The following ACYP1 variants were observed in gnomAD, a reference collection of about 807,000 sequenced individuals.
The protein encoded by ACYP1 is acylphosphatase-1.
Under a neutral mutation model 10.4 loss-of-function variants are expected in ACYP1, and 8 were observed. The ratio of observed to expected loss-of-function variants is 0.77; its 90% CI spans 0.45 to 1.38. ACYP1 has a LOEUF of 1.38. ACYP1 is among the 40% of genes most tolerant of loss of function. The pLI is 0.00. For synonymous variants in ACYP1, 38 were observed against 40.8 expected (o/e 0.93, Z 0.26); for missense variants, 93 against 117.3 (o/e 0.79, Z 0.96).
At position 75,057,306 on chromosome 14, in the gene ACYP1, A is replaced by G. The variant is rs1451062946; in HGVS notation, c.85-3647T>C. ...ATAAATTTAACAAAAGAATTGCACGACATATATGGAAATCTACAAAACATT... is the reference window on the plus strand; with the variant it reads ...ATAAATTTAACAAAAGAATTGCACGGCATATATGGAAATCTACAAAACATT... On this transcript the variant is annotated intron_variant, in intron 2 of 2. Transcript: ENST00000238618. Among the ~76,000 whole-genome samples the G allele has an allele frequency of 1.3e-5, 2 of 151,602 alleles. 1 individual carries two copies. The highest frequency in any genetic ancestry group is 2.9e-5 in the Non-Finnish European group (2 of 68,000).
chr14:75,055,858 T>C (rs1892865321), intron 2 of ACYP1, among the ~76,000 whole-genome samples: 2 of 151,440 alleles, frequency 1.3e-5, no homozygotes, highest in Admixed American at 6.6e-5. Flanking sequence ...ATCAACAAAA[T>C]TGACAACCTT....
At chr14:75,067,182 TACACACACACACACACACACACAC>T (rs60274425), upstream of ACYP1, among the ~76,000 whole-genome samples, 4 of 147,252 alleles carry the variant, frequency 2.7e-5, no homozygotes, top group Non-Finnish European at 4.5e-5. Context: ...TGTCTGGAAC[TACACACACACACACACACACACAC>T]ACACACACAC....
chr14:75,060,991 C>G (rs1172680138), intron 2 of ACYP1, among the ~76,000 whole-genome samples: 1 of 152,052 alleles, frequency 6.6e-6, no homozygotes, highest in Non-Finnish European at 1.5e-5. Context: ...CACTTGAACC[C>G]AGGAGGCAGA....
At chr14:75,059,100 G>A (rs1185002642) in intron 2 of ACYP1, among the ~76,000 whole-genome samples, 5 of 147,184 alleles carry the variant, frequency 3.4e-5, no homozygotes, top group Non-Finnish European at 7.4e-5. Context: ...CAGGAGAATC[G>A]CTTGAACCCT....
upstream of ACYP1, among the ~76,000 whole-genome samples, chr14:75,067,633 A>G (rs773471868): frequency 2.0e-5 from 3 of 152,178 alleles, no homozygotes; most frequent in Non-Finnish European, 2.9e-5. Flanking sequence ...TTTGTTTTGC[A>G]GGGGAAAGTT....
chr14:75,062,005 G>A (rs1893028794), intron 2 of ACYP1, among the ~76,000 whole-genome samples: 1 of 147,626 alleles, frequency 6.8e-6, no homozygotes, highest in African/African-American at 2.5e-5. Context: ...GGAAGCTGAA[G>A]TAGGAGAAAC....
intron 2 of ACYP1, 157 bp downstream of exon 2, chr14:75,063,313 T>G (rs1262584810): frequency 1.6e-6 from 1 of 629,882 alleles, no homozygotes; most frequent in Non-Finnish European, 2.9e-6. Flanking sequence ...GTTTTACCGA[T>G]TGCACAGCAT....
intron 2 of ACYP1, among the ~76,000 whole-genome samples, chr14:75,058,988 A>T (rs1892951816): frequency 6.7e-6 from 1 of 149,938 alleles, no homozygotes; most frequent in South Asian, 2.1e-4. Flanking sequence ...TCACGAGGTC[A>T]GGAGTTCGAG....
intron 2 of ACYP1, among the ~76,000 whole-genome samples, chr14:75,055,079 C>CTTTT (rs33920224): frequency 2.7e-5 from 2 of 75,100 alleles, no homozygotes; most frequent in African/African-American, 5.8e-5. Flanking sequence ...TATCTGAACT[C>CTTTT]TTTTTTTTTT....
At chr14:75,069,232 G>C in exon 1 of ACYP1, 3 of 1,503,162 alleles carry the variant, frequency 2.0e-6, no homozygotes, top group Non-Finnish European at 2.6e-6. Context: ...CAGCGCAGCC[G>C]AGCGCGCGGA....
chr14:75,063,650 C>T (rs1230148161), intron 1 of ACYP1, 89 bp from the exon 2 acceptor site: 4 of 1,010,228 alleles, frequency 4.0e-6, no homozygotes, highest in Non-Finnish European at 6.0e-6. Flanking sequence ...CCACCCCTGT[C>T]CATCCTTAAC....
intron 2 of ACYP1, 43 bp downstream of exon 2, chr14:75,063,427 C>T: frequency 6.5e-7 from 1 of 1,537,650 alleles, no homozygotes; most frequent in Non-Finnish European, 9.0e-7. Flanking sequence ...TGTTCCTATG[C>T]CCACAACCTA....
At chr14:75,065,984 C>G (rs1190865177), upstream of ACYP1, among the ~76,000 whole-genome samples, 4 of 152,158 alleles carry the variant, frequency 2.6e-5, no homozygotes, top group Non-Finnish European at 4.4e-5. Context: ...TGTGGCTAGA[C>G]CAGGGGTTTG....
chr14:75,059,959 G>T, intron 2 of ACYP1: 1 of 267,898 alleles, frequency 3.7e-6, no homozygotes, highest in Non-Finnish European at 7.0e-6. Flanking sequence ...ATGGGGGAAG[G>T]AGAAAATGGG....
chr14:75,069,262 C>A (rs759041940), exon 1 of ACYP1: 4 of 1,472,278 alleles, frequency 2.7e-6, no homozygotes, highest in Non-Finnish European at 3.6e-6. Flanking sequence ...GCAGCAGCCC[C>A]GCTCCCGCCA....
intron 1 of ACYP1, 106 bp from the exon 2 acceptor site, chr14:75,063,667 G>A: frequency 1.1e-6 from 1 of 898,306 alleles, no homozygotes; most frequent in Non-Finnish European, 1.7e-6. Context: ...TAACCATTGC[G>A]ACCTCTCCCC....
Position 75,069,321 on chromosome 14 carries a change from C to T in ACYP1, c.-30G>A, listed in dbSNP as rs1483081162. On this transcript the variant is annotated 5_prime_UTR_variant, in exon 1 of 3. Transcript: ENST00000555463. ...CGGCGGAAGCACGCGGAGGCACAGC[C>T]AGGGCCTCCGCCCTTTGCCAGACAA... The T allele has an allele frequency of 6.4e-6, 9 of 1,414,716 alleles. No homozygotes were observed. The African/African-American group carries it at 1.2e-4, about 19-fold the overall frequency. 87.6% of individuals were successfully genotyped at this position (1,414,716 alleles called of 1,614,324 possible).
chr14:75,054,250 T>A (rs1892821464), intron 2 of ACYP1, among the ~76,000 whole-genome samples: 1 of 146,054 alleles, frequency 6.8e-6, no homozygotes, highest in African/African-American at 2.7e-5. Flanking sequence ...AAAGCCCACT[T>A]TATTATCTTC....
Position 75,063,281 on chromosome 14 carries a change from G to A in ACYP1, c.84+189C>T, listed in dbSNP as rs1295764461. The A allele has an allele frequency of 5.1e-6, 3 of 583,290 alleles. No homozygotes were observed. In the African/African-American group the frequency reaches 5.6e-5, roughly 11 times the overall value. 36.1% of individuals were successfully genotyped at this position (583,290 alleles called of 1,614,324 possible). On this transcript the variant is annotated intron_variant, in intron 2 of 2. Coordinates refer to ENST00000238618, the MANE Select transcript of ACYP1 (RefSeq NM_001107.5). ...CACCACTGACTAATAATAACAGCAGGGTGATCTTCCATTTACACCATGTTT... is the reference window on the plus strand; with the variant it reads ...CACCACTGACTAATAATAACAGCAGAGTGATCTTCCATTTACACCATGTTT...
Sources: allele counts gnomAD v4.1 joint callset (sites outside exome capture counted in the v4.1 genomes callset), GRCh38; gene constraint gnomAD v4.1.1; transcripts MANE v1.5; gene names NCBI Gene and HGNC (gene_info 2026-07-23, HGNC 2026-07-21).